Variants in RBM47 observed in about 807,000 individuals in gnomAD.
The protein encoded by RBM47 is RNA-binding protein 47.
In RBM47, 21 loss-of-function variants were observed where a neutral mutation model predicts 47.1. The ratio of observed to expected loss-of-function variants is 0.45; its 90% CI spans 0.32 to 0.64. RBM47 has a LOEUF of 0.64. RBM47 is among the 30% of genes least tolerant of loss of function. RBM47 has a pLI of 0.05. For synonymous variants in RBM47, 375 were observed against 361.7 expected (o/e 1.04, Z -0.42); for missense variants, 708 against 870.9 (o/e 0.81, Z 2.35).
intron 1 of RBM47, among the ~76,000 whole-genome samples, chr4:40,557,564 C>A (rs561268759): frequency 1.6e-4 from 24 of 152,220 alleles, no homozygotes; most frequent in Non-Finnish European, 3.1e-4. Flanking sequence ...GCCTGGCCAA[C>A]ATGGTGAAAC....
At position 40,425,801 on chromosome 4, in the gene RBM47, C is replaced by T; in HGVS notation, c.*103G>A. ...GAAATAAATCTGCTAACATTCTTCA[C>T]TTTCAGGTTGCATGTGTGAATCCAA... On this transcript the variant is annotated 3_prime_UTR_variant, in exon 7 of 7. Coordinates refer to ENST00000295971, the MANE Select transcript of RBM47 (RefSeq NM_001098634.2). 2.8e-6 allele frequency: 4 copies of T among 1,441,814 alleles called. 1 individual carries two copies. The South Asian group carries it at 5.5e-5, about 20-fold the overall frequency. The allele number at this position is 1,441,814 out of a possible 1,614,324, so 89.3% of individuals were successfully genotyped here.
chr4:40,528,961 T>A lies in RBM47; in HGVS notation c.-155+15461A>T, dbSNP rs555478066. On this transcript the variant is annotated intron_variant, in intron 2 of 6. Transcript: ENST00000295971. ...CCGTCTCAAAAAAAAAATAAATAAA[T>A]AAATAAATAAATAAATAAATAAATA... Among the ~76,000 whole-genome samples, 17 of 146,220 alleles carry A rather than the reference T, an allele frequency of 1.2e-4. 1 individual carries two copies. Among genetic ancestry groups the A allele is most frequent in the Admixed American group, 4.7e-4 (7 of 14,760 alleles).
chr4:40,460,183 C>T (rs1330310666), intron 3 of RBM47, among the ~76,000 whole-genome samples: 1 of 151,766 alleles, frequency 6.6e-6, no homozygotes, highest in African/African-American at 2.4e-5. Context: ...AAAGTAGGTA[C>T]TGGCCAGGGA....
At chr4:40,603,217 C>G (rs750764112) in intron 1 of RBM47, among the ~76,000 whole-genome samples, 20 of 152,156 alleles carry the variant, frequency 1.3e-4, no homozygotes, top group Non-Finnish European at 2.2e-4. Flanking sequence ...GCAGGATACA[C>G]CCTGTTAGCT....
chr4:40,608,914 A>T (rs1735996679), intron 1 of RBM47, among the ~76,000 whole-genome samples: 1 of 152,174 alleles, frequency 6.6e-6, no homozygotes, highest in African/African-American at 2.4e-5. Context: ...GTCATTGCTG[A>T]TTTGGAAAAA....
intron 1 of RBM47, among the ~76,000 whole-genome samples, chr4:40,616,874 C>CTTTTTTTTTTTTTTTTTTTTT (rs1300005872): frequency 8.1e-5 from 9 of 111,668 alleles, no homozygotes; most frequent in Admixed American, 2.1e-4. Context: ...ATTTTCTTTT[C>CTTTTTTTTTTTTTTTTTTTTT]TTTTTTTTTT....
chr4:40,489,887 T>C lies in RBM47; in HGVS notation c.-154-23188A>G, dbSNP rs543511296. Among the ~76,000 whole-genome samples the C allele has an allele frequency of 6.6e-5, 10 of 152,326 alleles. No homozygotes were observed. In the South Asian group the frequency reaches 2.1e-3, roughly 32 times the overall value. On this transcript the variant is annotated intron_variant, in intron 2 of 6. Coordinates refer to ENST00000295971, the MANE Select transcript of RBM47 (RefSeq NM_001098634.2). ...GACAAATCAATATGTCTTATGCATA[T>C]GGACTTTTTAAAAATACACAACTAA...
chr4:40,578,274 T>A (rs1464773593), intron 1 of RBM47, among the ~76,000 whole-genome samples: 1 of 146,694 alleles, frequency 6.8e-6, no homozygotes, highest in Non-Finnish European at 1.5e-5. Context: ...TGTTGTCCCA[T>A]TCCTTACAAA....
At chr4:40,427,793 A>C (rs184991663) in intron 6 of RBM47, among the ~76,000 whole-genome samples, 1 of 152,102 alleles carries the variant, frequency 6.6e-6, no homozygotes, top group Non-Finnish European at 1.5e-5. Context: ...GCTCAAAGGA[A>C]CTTAGGAACT....
At position 40,437,810 on chromosome 4, in the gene RBM47, T is replaced by C; in HGVS notation, c.1084A>G (p.Asn362Asp). The stretch of plus-strand genomic sequence containing the variant: ...TCCCTGTTGGGCCCAATGAGCGCGT[T>C]GTAGGGGTAGCCGTAGTAGGCCAGT... ...YTLAYYGYPY[N>D]ALIGPNRDYF... is the part of the protein sequence containing the mutation. Residue 362 changes from asparagine to aspartate, a missense_variant, in exon 4 of 7, where the codon AAC becomes GAC. Transcript: ENST00000295971. The C allele has an allele frequency of 6.2e-7, 1 of 1,611,254 alleles. No homozygotes were observed. The highest frequency in any genetic ancestry group is 8.5e-7 in the Non-Finnish European group (1 of 1,177,732).
At chr4:40,444,044 C>T (rs910077064) in intron 3 of RBM47, among the ~76,000 whole-genome samples, 3 of 151,804 alleles carry the variant, frequency 2.0e-5, no homozygotes, top group African/African-American at 7.3e-5. Context: ...ACAAAAAGTA[C>T]AAAAATTAGC....
chr4:40,426,793 G>A (rs1246399957), intron 6 of RBM47: 1 of 152,262 alleles, frequency 6.6e-6, no homozygotes, highest in Non-Finnish European at 1.5e-5. Context: ...TCAAGCCACG[G>A]TTGGTTGAAT....
intron 2 of RBM47, among the ~76,000 whole-genome samples, chr4:40,489,398 T>C (rs1017785962): frequency 6.6e-6 from 1 of 152,128 alleles, no homozygotes; most frequent in Non-Finnish European, 1.5e-5. Context: ...AGTTGGTTCT[T>C]TGAAAAGAGC....
At chr4:40,484,155 A>G (rs577739329) in intron 2 of RBM47, among the ~76,000 whole-genome samples, 9 of 152,364 alleles carry the variant, frequency 5.9e-5, no homozygotes, top group African/African-American at 2.2e-4. Context: ...TACTGATATT[A>G]TAGTAATCAA....
At chr4:40,618,022 C>T (rs1736903044) in intron 1 of RBM47, among the ~76,000 whole-genome samples, 1 of 151,972 alleles carries the variant, frequency 6.6e-6, no homozygotes, top group Admixed American at 6.6e-5. Context: ...AAGCTGATTG[C>T]TTGAGCCCAG....
At chr4:40,575,655 C>A (rs928502551) in intron 1 of RBM47, among the ~76,000 whole-genome samples, 11 of 152,074 alleles carry the variant, frequency 7.2e-5, no homozygotes, top group Admixed American at 4.6e-4. Flanking sequence ...TGTCCTTAAT[C>A]CCCGTTGGAC....
chr4:40,573,835 G>GAA (rs1553903569), intron 1 of RBM47, among the ~76,000 whole-genome samples: 36 of 68,884 alleles, frequency 5.2e-4, no homozygotes, highest in African/African-American at 2.8e-3. Flanking sequence ...AAGAAAGAAA[G>GAA]AGAAAGAAAG....
intron 2 of RBM47, among the ~76,000 whole-genome samples, chr4:40,492,623 C>A (rs1251871842): frequency 6.6e-6 from 1 of 152,188 alleles, no homozygotes; most frequent in Non-Finnish European, 1.5e-5. Context: ...CCTCACCATG[C>A]AGAATTATCT....
intron 1 of RBM47, among the ~76,000 whole-genome samples, chr4:40,550,771 G>C (rs1467235692): frequency 2.0e-5 from 3 of 151,928 alleles, no homozygotes; most frequent in African/African-American, 7.3e-5. Context: ...GAAGATAGAG[G>C]AAAAAGGGAT....
Sources: gnomAD v4.1 joint callset for allele counts (sites outside exome capture counted in the v4.1 genomes callset) on GRCh38, gnomAD v4.1.1 for gene constraint, MANE v1.5 for transcripts, NCBI Gene and HGNC (gene_info 2026-07-23, HGNC 2026-07-21) for gene names.